The following FHIT variants were observed in gnomAD, a reference collection of about 807,000 sequenced individuals.
FHIT encodes bis(5'-adenosyl)-triphosphatase.
In FHIT, 19 loss-of-function variants were observed where a neutral mutation model predicts 17.9. That is an observed-to-expected ratio of 1.06 (90% CI 0.74 to 1.56). The LOEUF is 1.56. Ranked by LOEUF, FHIT falls within the 40% of genes most tolerant of loss-of-function variation. The pLI is 0.00. For missense variants in FHIT, 248 were observed against 189.2 expected (o/e 1.31, Z -1.82); for synonymous variants, 81 against 69.7 (o/e 1.16, Z -0.81).
At chr3:59,989,039 T>C (rs948025604) in intron 7 of FHIT, among the ~76,000 whole-genome samples, 3 of 152,040 alleles carry the variant, frequency 2.0e-5, no homozygotes, top group African/African-American at 7.2e-5. Context: ...GTAGGGATGA[T>C]GGAGGTCTGG....
chr3:61,136,039 T>A (rs2036905538), intron 2 of FHIT, among the ~76,000 whole-genome samples: 1 of 152,116 alleles, frequency 6.6e-6, no homozygotes, highest in African/African-American at 2.4e-5. Flanking sequence ...AAGGAGAATT[T>A]TGGCCAACCA....
intron 5 of FHIT, among the ~76,000 whole-genome samples, chr3:60,024,896 C>G (rs897966382): frequency 3.3e-5 from 5 of 152,210 alleles, no homozygotes; most frequent in Non-Finnish European, 5.9e-5. Flanking sequence ...ATTCTGGGTT[C>G]TCTTTGCAAA....
chr3:60,763,923 A>G (rs1239684134), intron 4 of FHIT, among the ~76,000 whole-genome samples: 2 of 152,114 alleles, frequency 1.3e-5, no homozygotes, highest in Non-Finnish European at 2.9e-5. Context: ...AGTTGTGTTC[A>G]TTTGTTTCAA....
chr3:61,009,609 T>C (rs2107620016), intron 3 of FHIT, among the ~76,000 whole-genome samples: 1 of 152,314 alleles, frequency 6.6e-6, no homozygotes, highest in South Asian at 2.1e-4. Flanking sequence ...ATCAACCTAC[T>C]CAAAGAAGTG....
intron 5 of FHIT, among the ~76,000 whole-genome samples, chr3:60,127,893 A>T (rs1705630334): frequency 1.3e-5 from 2 of 152,178 alleles, no homozygotes; most frequent in African/African-American, 4.8e-5. Flanking sequence ...GGCCTCTCCA[A>T]GTGCTGGGAT....
Position 60,565,446 on chromosome 3 carries a change from A to G in FHIT, c.-17-28467T>C, listed in dbSNP as rs555629491. Among the ~76,000 whole-genome samples the G allele has an allele frequency of 9.7e-4, 148 of 152,350 alleles. 1 individual carries two copies. The highest frequency in any genetic ancestry group is 3.5e-3 in the African/African-American group (144 of 41,592). Reference sequence around the variant, plus strand: ...ACACTTTCCGTTAATGGAGAATGCTATAACACCTAGTTCCCACTTCTATTC... The same window carrying G: ...ACACTTTCCGTTAATGGAGAATGCTGTAACACCTAGTTCCCACTTCTATTC... On this transcript the variant is annotated intron_variant, in intron 4 of 9. Transcript: ENST00000492590.
chr3:60,632,243 G>C (rs1186778708), intron 4 of FHIT, among the ~76,000 whole-genome samples: 1 of 152,120 alleles, frequency 6.6e-6, no homozygotes, highest in Non-Finnish European at 1.5e-5. Flanking sequence ...AATGATGTAT[G>C]AGAACGATTT....
At chr3:61,212,697 T>C (rs545715698) in intron 1 of FHIT, among the ~76,000 whole-genome samples, 3 of 152,236 alleles carry the variant, frequency 2.0e-5, no homozygotes, top group Admixed American at 2.0e-4. Flanking sequence ...AGACACATAA[T>C]TGTCAGATTC....
At chr3:60,456,831 T>C (rs2107391831) in intron 5 of FHIT, among the ~76,000 whole-genome samples, 1 of 152,274 alleles carries the variant, frequency 6.6e-6, no homozygotes, top group South Asian at 2.1e-4. Context: ...AAAGCACCCT[T>C]ACATTCAAAG....
chr3:59,960,628 C>A (rs11715559), intron 7 of FHIT, among the ~76,000 whole-genome samples: 13,259 of 152,178 alleles, frequency 0.087, 663 homozygotes, highest in Middle Eastern at 0.16. Flanking sequence ...AGAAGGGGTA[C>A]TTTGGAAAAC....
intron 5 of FHIT, among the ~76,000 whole-genome samples, chr3:60,457,650 C>T (rs2032190942): frequency 6.6e-6 from 1 of 151,976 alleles, no homozygotes; most frequent in Non-Finnish European, 1.5e-5. Flanking sequence ...AGGCAACCTA[C>T]AGAATGGGAG....
intron 5 of FHIT, among the ~76,000 whole-genome samples, chr3:60,117,879 C>G (rs1705049394): frequency 1.3e-5 from 2 of 152,140 alleles, no homozygotes; most frequent in African/African-American, 4.8e-5. Context: ...ACTGCAGGGT[C>G]AGTACCCAGA....
At chr3:59,958,917 G>T (rs1707535755) in intron 7 of FHIT, among the ~76,000 whole-genome samples, 1 of 152,150 alleles carries the variant, frequency 6.6e-6, no homozygotes, top group South Asian at 2.1e-4. Flanking sequence ...AGCAACCTCT[G>T]TCATTACAAT....
At chr3:60,398,618 A>T (rs1701545891) in intron 5 of FHIT, among the ~76,000 whole-genome samples, 1 of 152,180 alleles carries the variant, frequency 6.6e-6, no homozygotes, top group Admixed American at 6.5e-5. Flanking sequence ...TATAATCTGT[A>T]TTCATCAGTT....
At chr3:60,990,116 C>G (rs993966278) in intron 3 of FHIT, among the ~76,000 whole-genome samples, 2 of 152,174 alleles carry the variant, frequency 1.3e-5, no homozygotes, top group Non-Finnish European at 2.9e-5. Flanking sequence ...CCAAGGGTGC[C>G]TGGCATGCAA....
chr3:59,794,135 A>G (rs1699681042), intron 8 of FHIT, among the ~76,000 whole-genome samples: 1 of 152,228 alleles, frequency 6.6e-6, no homozygotes, highest in Non-Finnish European at 1.5e-5. Context: ...GATAAACATC[A>G]GACATGGTTT....
intron 5 of FHIT, among the ~76,000 whole-genome samples, chr3:60,445,261 C>G (rs189670502): frequency 1.3e-4 from 20 of 152,198 alleles, no homozygotes; most frequent in Non-Finnish European, 2.1e-4. Flanking sequence ...ATGCCAAATG[C>G]TAGCCTGAGG....
intron 5 of FHIT, among the ~76,000 whole-genome samples, chr3:60,160,142 GTC>G (rs1044330968): frequency 8.0e-5 from 11 of 137,104 alleles, no homozygotes; most frequent in South Asian, 6.7e-4. Context: ...GTGTGTGTGT[GTC>G]TGTGTGTCTG....
At position 60,949,572 on chromosome 3, in the gene FHIT, CA is replaced by C. The variant is rs1708790402; in HGVS notation, c.-111+92474del. ...AAATTGATTTAATCAGAAAGCGGGT[CA>C]CTTCCCTCCTCCCTATCCTGTCGCT... is the stretch of plus-strand genomic sequence containing the variant. On this transcript the variant is annotated intron_variant, in intron 3 of 9. Coordinates refer to ENST00000492590, the MANE Select transcript of FHIT (RefSeq NM_002012.4). 2.0e-5 allele frequency among the ~76,000 whole-genome samples: 3 copies of C among 152,314 alleles called. No homozygotes were observed. The South Asian group carries it at 6.2e-4, about 32-fold the overall frequency.
Sources: gnomAD v4.1 joint callset for allele counts (sites outside exome capture counted in the v4.1 genomes callset) on GRCh38, gnomAD v4.1.1 for gene constraint, MANE v1.5 for transcripts, NCBI Gene and HGNC (gene_info 2026-07-23, HGNC 2026-07-21) for gene names.